DYNC2I1: variants seen among roughly 807,000 people sequenced by gnomAD.
DYNC2I1 encodes the protein dynein 2 intermediate chain 1, also known as cytoplasmic dynein 2 intermediate chain 1.
DYNC2I1 carries 89 observed loss-of-function variants against 133.4 expected under a neutral mutation model. The ratio of observed to expected loss-of-function variants is 0.67; its 90% CI spans 0.56 to 0.80. DYNC2I1 has a LOEUF of 0.80. Ranked by LOEUF, DYNC2I1 falls within the 30% of genes least tolerant of loss-of-function variation. DYNC2I1 has a pLI of 0.00. For synonymous variants in DYNC2I1, 504 were observed against 484.3 expected (o/e 1.04, Z -0.54); for missense variants, 1,291 against 1,314.5 (o/e 0.98, Z 0.28).
chr7:158,915,691 G>A (rs1279259803), intron 14 of DYNC2I1, among the ~76,000 whole-genome samples: 405 of 146,620 alleles, frequency 2.8e-3, no homozygotes, highest in African/African-American at 8.9e-3. Context: ...ACGTCGACAC[G>A]CTGGTTGACA....
chr7:158,918,959 T>C, intron 15 of DYNC2I1, 90 bp downstream of exon 15: 1 of 1,362,648 alleles, frequency 7.3e-7, no homozygotes, highest in Non-Finnish European at 9.8e-7. Context: ...TTTATTTTAA[T>C]GTGATGGGGT....
intron 1 of DYNC2I1, among the ~76,000 whole-genome samples, chr7:158,857,540 G>GTTTTTTT (rs1278230154): frequency 4.0e-5 from 4 of 100,902 alleles, no homozygotes; most frequent in Non-Finnish European, 4.0e-5. Flanking sequence ...TTAGGTTTTT[G>GTTTTTTT]TTTTTTTTTT....
At chr7:158,912,423 T>G (rs1409158552) in intron 12 of DYNC2I1, among the ~76,000 whole-genome samples, 1 of 152,226 alleles carries the variant, frequency 6.6e-6, no homozygotes, top group Non-Finnish European at 1.5e-5. Flanking sequence ...GGGATGAAGC[T>G]GAAGAAGCTG....
chr7:158,883,658 CTTTTTTTTTTTT>C (rs762388455), intron 5 of DYNC2I1, among the ~76,000 whole-genome samples: 31 of 86,168 alleles, frequency 3.6e-4, no homozygotes, highest in African/African-American at 1.5e-3. Flanking sequence ...CCAGTGACTT[CTTTTTTTTTTTT>C]TTTTTTTTTT....
intron 12 of DYNC2I1, among the ~76,000 whole-genome samples, chr7:158,912,084 C>G (rs767993623): frequency 2.6e-5 from 4 of 152,218 alleles, no homozygotes; most frequent in Non-Finnish European, 4.4e-5. Flanking sequence ...AAGTGATTCT[C>G]GTGCCTCAGC....
At chr7:158,864,495 T>G (rs919931666) in intron 1 of DYNC2I1, among the ~76,000 whole-genome samples, 9 of 152,124 alleles carry the variant, frequency 5.9e-5, no homozygotes. Flanking sequence ...TAGTAGTATC[T>G]GGTGACGCTT....
intron 5 of DYNC2I1, among the ~76,000 whole-genome samples, 160 bp downstream of exon 5, chr7:158,880,149 A>G (rs1843851633): frequency 1.3e-5 from 2 of 152,250 alleles, no homozygotes; most frequent in Non-Finnish European, 2.9e-5. Context: ...TGGTTAGTAT[A>G]GACAGATTAC....
At chr7:158,927,643 C>T (rs1249466521) in intron 20 of DYNC2I1, among the ~76,000 whole-genome samples, 2 of 151,846 alleles carry the variant, frequency 1.3e-5, no homozygotes, top group East Asian at 3.9e-4. Context: ...CCTCTGCCTC[C>T]TGGGTTCAAG....
At chr7:158,940,295 A>G (rs1245953179) in intron 23 of DYNC2I1, among the ~76,000 whole-genome samples, 1 of 152,220 alleles carries the variant, frequency 6.6e-6, no homozygotes, top group African/African-American at 2.4e-5. Context: ...GATCCCTCGC[A>G]TACACAGTTC....
intron 8 of DYNC2I1, among the ~76,000 whole-genome samples, chr7:158,900,514 G>GT (rs1422881390): frequency 2.6e-5 from 4 of 152,126 alleles, no homozygotes; most frequent in Non-Finnish European, 5.9e-5. Flanking sequence ...TTTTTCTGTA[G>GT]TTTGAATATA....
intron 11 of DYNC2I1, among the ~76,000 whole-genome samples, chr7:158,910,076 A>G (rs1847243160): frequency 6.6e-6 from 1 of 152,218 alleles, no homozygotes; most frequent in African/African-American, 2.4e-5. Context: ...GATAACAGTA[A>G]AGAAACAAAA....
intron 20 of DYNC2I1, among the ~76,000 whole-genome samples, chr7:158,928,099 A>G (rs1211683814): frequency 1.3e-5 from 2 of 152,176 alleles, no homozygotes; most frequent in Non-Finnish European, 2.9e-5. Context: ...CAGGGTGGCA[A>G]AGGTCCCCGG....
chr7:158,889,036 TACACACACACACACAC>T (rs71200077), intron 7 of DYNC2I1, among the ~76,000 whole-genome samples: 1 of 141,270 alleles, frequency 7.1e-6, no homozygotes, highest in East Asian at 2.1e-4. Context: ...TTTAAACATT[TACACACACACACACAC>T]ACACACACAC....
In DYNC2I1 at chr7:158,900,688, A is replaced by G. The variant is rs980134810; in HGVS notation, c.1060-1051A>G. Among the ~76,000 whole-genome samples, 29 of 145,114 alleles carry G rather than the reference A, an allele frequency of 2.0e-4. No individual in the cohort carries two copies. In the East Asian group the frequency reaches 2.6e-3, roughly 13 times the overall value. On this transcript the variant is annotated intron_variant, in intron 8 of 24. Coordinates refer to ENST00000407559, the MANE Select transcript of DYNC2I1 (RefSeq NM_018051.5). ...TCTGCCATCCCCATTATACATGTGA[A>G]TACCTTTTGCAGTTGTCCCACAGTT...
intron 4 of DYNC2I1, among the ~76,000 whole-genome samples, chr7:158,877,393 T>C (rs549835070): frequency 5.2e-4 from 79 of 152,392 alleles, no homozygotes; most frequent in Admixed American, 1.7e-3. Flanking sequence ...TTCTTTAAAT[T>C]ATAAAGACAT....
Position 158,942,057 on chromosome 7 carries a change from C to G in DYNC2I1, c.2911C>G (p.Leu971Val), listed in dbSNP as rs894249031. 2.5e-6 allele frequency: 4 copies of G among 1,612,916 alleles called. No individual in the cohort carries two copies. The highest frequency in any genetic ancestry group is 4.5e-5 in the East Asian group (2 of 44,848). ...GTCCCCAACCAGGCCTGCCGTGTTCCTGGTGCAGGACGACACATCCAACAT... is the reference window on the plus strand; with the variant it reads ...GTCCCCAACCAGGCCTGCCGTGTTCGTGGTGCAGGACGACACATCCAACAT... Reference protein sequence around the residue: ...QWSPTRPAVFLVQDDTSNIYI... With the variant: ...QWSPTRPAVFVVQDDTSNIYI... The change falls in exon 24 of 25, where the codon CTG (leucine) becomes GTG (valine). Residue 971 changes from leucine to valine, a missense_variant. Coordinates refer to ENST00000407559, the MANE Select transcript of DYNC2I1 (RefSeq NM_018051.5).
intron 2 of DYNC2I1, among the ~76,000 whole-genome samples, chr7:158,870,861 G>C (rs1399108335): frequency 1.3e-5 from 2 of 152,100 alleles, no homozygotes; most frequent in African/African-American, 4.8e-5. Context: ...AATACACGTA[G>C]TATTTTAGAT....
intron 21 of DYNC2I1, among the ~76,000 whole-genome samples, chr7:158,933,673 C>A (rs185124590): frequency 6.6e-6 from 1 of 152,162 alleles, no homozygotes. Flanking sequence ...ACGCAAAACC[C>A]CCTGGTGGGT....
chr7:158,926,498 C>A, intron 19 of DYNC2I1, 35 bp downstream of exon 19: 2 of 1,603,908 alleles, frequency 1.2e-6, no homozygotes, highest in Non-Finnish European at 1.7e-6. Context: ...CATGCGGGGC[C>A]TGAGTGAGGT....
Sources: allele counts gnomAD v4.1 joint callset (sites outside exome capture counted in the v4.1 genomes callset), GRCh38; gene constraint gnomAD v4.1.1; transcripts MANE v1.5; gene names NCBI Gene and HGNC (gene_info 2026-07-23, HGNC 2026-07-21).